The following CYFIP1 variants were observed in gnomAD, a reference collection of about 807,000 sequenced individuals.
CYFIP1 encodes cytoplasmic FMR1 interacting protein 1, also known as cytoplasmic FMR1-interacting protein 1.
A neutral mutation model predicts 163.5 loss-of-function variants in CYFIP1; 58 were observed. That is an observed-to-expected ratio of 0.35 (90% CI 0.29 to 0.44). The LOEUF is 0.44. Among genes scored for constraint, CYFIP1 ranks in the 20% least tolerant of loss-of-function variants. The pLI is 1.00. For synonymous variants in CYFIP1, 663 were observed against 660.7 expected (o/e 1.00, Z -0.05); for missense variants, 1,338 against 1,653.8 (o/e 0.81, Z 3.31).
chr15:22,914,425 CTTTTTT>C (rs112433925), intron 17 of CYFIP1, among the ~76,000 whole-genome samples: 1 of 145,414 alleles, frequency 6.9e-6, no homozygotes, highest in Admixed American at 6.9e-5. Context: ...CATGATTTCT[CTTTTTT>C]TTTTTTTTAT....
rs972421898 is a variant in CYFIP1 at position 22,903,591 on chromosome 15, T to A, written c.2588+115A>T. 3.3e-5 allele frequency: 37 copies of A among 1,108,954 alleles called. No homozygotes were observed. In the African/African-American group the frequency reaches 5.2e-4, roughly 16 times the overall value. The allele number at this position is 1,108,954 out of a possible 1,614,324, so 68.7% of individuals were successfully genotyped here. ...GCCTGCGTGCTCTTCATGTGAGAAG[T>A]GATGGGGAGCAGCAAGAGCAGGGAG... On this transcript the variant is annotated intron_variant, in intron 22 of 30. Coordinates refer to ENST00000617928, the MANE Select transcript of CYFIP1 (RefSeq NM_014608.6).
At chr15:22,896,845 T>C (rs1342593935) in intron 22 of CYFIP1, among the ~76,000 whole-genome samples, 1 of 152,182 alleles carries the variant, frequency 6.6e-6, no homozygotes, top group African/African-American at 2.4e-5. Context: ...TTGGCATATC[T>C]AGTAATTCTT....
intron 9 of CYFIP1, among the ~76,000 whole-genome samples, chr15:22,936,056 G>C (rs2061701362): frequency 6.6e-6 from 1 of 152,140 alleles, no homozygotes; most frequent in Non-Finnish European, 1.5e-5. Context: ...AGGACTGCTT[G>C]AGGCCAGGAG....
intron 17 of CYFIP1, among the ~76,000 whole-genome samples, chr15:22,913,165 CA>C (rs948204657): frequency 6.6e-6 from 1 of 151,676 alleles, no homozygotes; most frequent in Non-Finnish European, 1.5e-5. Flanking sequence ...CACTGCACTC[CA>C]GCCTGGGCAA....
At chr15:22,880,068 G>A (rs769767326) in intron 25 of CYFIP1, 25 bp from the exon 26 acceptor site, 3 of 1,612,474 alleles carry the variant, frequency 1.9e-6, no homozygotes. Context: ...GTGAGGTGGG[G>A]TTGGGGGACT....
At chr15:22,891,578 G>A (rs1300574291) in intron 23 of CYFIP1, among the ~76,000 whole-genome samples, 1 of 152,236 alleles carries the variant, frequency 6.6e-6, no homozygotes, top group Admixed American at 6.5e-5. Flanking sequence ...GCTCAGAGAT[G>A]CTCTGAGTGC....
chr15:22,972,486 G>T (rs1469098430), intron 1 of CYFIP1, among the ~76,000 whole-genome samples: 1 of 152,050 alleles, frequency 6.6e-6, no homozygotes, highest in African/African-American at 2.4e-5. Flanking sequence ...AACCCAAACA[G>T]CACACTATTG....
intron 13 of CYFIP1, 113 bp from the exon 14 acceptor site, chr15:22,918,971 C>T (rs563150965): frequency 3.2e-5 from 26 of 804,838 alleles, no homozygotes; most frequent in South Asian, 1.1e-4. Flanking sequence ...TACGCCCTCC[C>T]GCGTTCGTGC....
rs532394103 is a variant in CYFIP1, at chr15:22,945,068, G to A, written c.208-129C>T. On this transcript the variant is annotated intron_variant, in intron 3 of 30. Transcript: ENST00000617928. The stretch of plus-strand genomic sequence containing the variant: ...CACTGTGGCCTGTGTGCCAAGAGAC[G>A]GCTGCCAGAAGCTAGTGACACTGAG... The A allele has an allele frequency of 1.7e-5, 15 of 894,808 alleles. No individual in the cohort carries two copies. The South Asian group carries it at 2.1e-4, about 12-fold the overall frequency. 55.4% of individuals were successfully genotyped at this position (894,808 alleles called of 1,614,324 possible).
chr15:22,909,371 A>G (rs560298368), intron 20 of CYFIP1, 58 bp from the exon 21 acceptor site: 2 of 1,600,042 alleles, frequency 1.2e-6, no homozygotes, highest in African/African-American at 2.7e-5. Flanking sequence ...CTCGAAAACA[A>G]CAAACGCCTC....
intron 22 of CYFIP1, among the ~76,000 whole-genome samples, chr15:22,896,620 A>C (rs772269427): frequency 2.0e-5 from 3 of 152,088 alleles, no homozygotes; most frequent in Non-Finnish European, 4.4e-5. Flanking sequence ...CCCAACAAGT[A>C]ATTTTTCATT....
At chr15:22,879,691 C>T (rs1363231825) in intron 26 of CYFIP1, among the ~76,000 whole-genome samples, 2 of 151,768 alleles carry the variant, frequency 1.3e-5, no homozygotes, top group Non-Finnish European at 2.9e-5. Flanking sequence ...GACGTTAACA[C>T]AGAAAAACAT....
chr15:22,980,799 C>T (rs535720807), upstream of CYFIP1, among the ~76,000 whole-genome samples: 6 of 152,148 alleles, frequency 3.9e-5, no homozygotes, highest in East Asian at 1.2e-3. Context: ...CGCTCACCTG[C>T]GCTCGTCGGG....
Position 22,870,097 on chromosome 15 carries a change from C to G in CYFIP1, c.3693G>C (p.Gly1231=), listed in dbSNP as rs377259642. 3.7e-6 allele frequency: 6 copies of G among 1,613,046 alleles called. No individual in the cohort carries two copies. The Admixed American group carries it at 1.0e-4, about 27-fold the overall frequency. Residue 1231 remains glycine (G), a synonymous_variant, in exon 31 of 31, where the codon GGG becomes GGC. Coordinates refer to ENST00000617928, the MANE Select transcript of CYFIP1 (RefSeq NM_014608.6). ...ILDKYLKSGD[G]EGTPVEHVRC... ...GCACATGCTCCACTGGCGTGCCCTC[C>G]CCGTCGCCTGACTTCAGGTACTTAT...
chr15:22,942,723 G>A lies in CYFIP1; in HGVS notation c.569+450C>T, dbSNP rs1037845630. ...TGTGCACGGGCCACGTCTGCACATT[G>A]CTGGGATGGTGCTCATGTGCTGGGG... is the stretch of plus-strand genomic sequence containing the variant. On this transcript the variant is annotated intron_variant, in intron 6 of 30. Coordinates refer to ENST00000617928, the MANE Select transcript of CYFIP1 (RefSeq NM_014608.6). Among the ~76,000 whole-genome samples the A allele has an allele frequency of 7.2e-5, 11 of 152,282 alleles. No individual in the cohort carries two copies. The East Asian group carries it at 1.9e-3, about 27-fold the overall frequency.
At chr15:22,978,468 TTAAG>T (rs1191625264) in intron 1 of CYFIP1, among the ~76,000 whole-genome samples, 5 of 151,780 alleles carry the variant, frequency 3.3e-5, no homozygotes, top group African/African-American at 1.2e-4. Flanking sequence ...GCTAAGATCT[TTAAG>T]TAACCAAACA....
chr15:22,886,268 G>C (rs535212065), intron 23 of CYFIP1, among the ~76,000 whole-genome samples: 7 of 152,252 alleles, frequency 4.6e-5, no homozygotes, highest in Non-Finnish European at 8.8e-5. Flanking sequence ...TGTGGACATA[G>C]AGCCAAAACA....
chr15:22,908,825 G>C (rs1254045300), intron 21 of CYFIP1, among the ~76,000 whole-genome samples: 1 of 152,096 alleles, frequency 6.6e-6, no homozygotes. Context: ...CACCGTGCCA[G>C]CCAAAGTTAA....
At chr15:22,978,351 A>AC (rs1555427888) in intron 1 of CYFIP1, among the ~76,000 whole-genome samples, 8 of 103,040 alleles carry the variant, frequency 7.8e-5, no homozygotes, top group Admixed American at 3.0e-4. Context: ...AGACTCTGTC[A>AC]CAAAAAAAAA....
Sources: gnomAD v4.1 joint callset for allele counts (sites outside exome capture counted in the v4.1 genomes callset) on GRCh38, gnomAD v4.1.1 for gene constraint, MANE v1.5 for transcripts, NCBI Gene and HGNC (gene_info 2026-07-23, HGNC 2026-07-21) for gene names.